Variants in SUMF1 observed in about 807,000 individuals in gnomAD.
The protein encoded by SUMF1 is formylglycine-generating enzyme.
A neutral mutation model predicts 47.6 loss-of-function variants in SUMF1; 48 were observed. That is an observed-to-expected ratio of 1.01 (90% CI 0.80 to 1.28). The LOEUF is 1.28. Among genes scored for constraint, SUMF1 ranks in the 50% most tolerant of loss-of-function variants. The probability of loss-of-function intolerance (pLI) is 0.00; values close to 1 mark genes in which losing one functional copy is unlikely to be tolerated. For missense variants in SUMF1, 571 were observed against 485.4 expected (o/e 1.18, Z -1.66); for synonymous variants, 230 against 192.1 (o/e 1.20, Z -1.63).
At chr3:4,338,233 C>G (rs890646085) in intron 8 of SUMF1, among the ~76,000 whole-genome samples, 1 of 151,934 alleles carries the variant, frequency 6.6e-6, no homozygotes, top group Non-Finnish European at 1.5e-5. Flanking sequence ...TACAATCACA[C>G]CATGCACTCC....
chr3:4,361,746 G>A lies in SUMF1; in HGVS notation c.*398C>T, dbSNP rs116909525. ...AACTGGTGAGTTGGAGAGACACCCA[G>A]AGGTCATGCTGTCCATCCCTTCATT... On this transcript the variant is annotated 3_prime_UTR_variant, in exon 9 of 9. Transcript: ENST00000272902. 393 of 247,476 alleles carry A rather than the reference G, an allele frequency of 1.6e-3. 8 individuals are homozygous for A. In the East Asian group the frequency reaches 0.035, roughly 22 times the overall value. 15.3% of individuals were successfully genotyped at this position (247,476 alleles called of 1,614,324 possible).
chr3:4,218,018 T>C (rs1695975133), intron 8 of SUMF1, among the ~76,000 whole-genome samples: 2 of 151,992 alleles, frequency 1.3e-5, no homozygotes, highest in South Asian at 4.2e-4. Flanking sequence ...TAATTCGACA[T>C]AGTGGTCACT....
At chr3:4,196,618 G>C (rs559999036) in intron 8 of SUMF1, among the ~76,000 whole-genome samples, 15 of 152,166 alleles carry the variant, frequency 9.9e-5, no homozygotes, top group African/African-American at 3.6e-4. Flanking sequence ...AGAGACCTTG[G>C]CTAAAGTACT....
At chr3:4,404,153 C>T (rs1701301639) in intron 7 of SUMF1, among the ~76,000 whole-genome samples, 1 of 152,142 alleles carries the variant, frequency 6.6e-6, no homozygotes, top group African/African-American at 2.4e-5. Flanking sequence ...TTCTATTTTA[C>T]TGGATGAAGA....
At chr3:4,351,750 G>A (rs1195670200) in intron 8 of SUMF1, among the ~76,000 whole-genome samples, 1 of 152,116 alleles carries the variant, frequency 6.6e-6, no homozygotes, top group Non-Finnish European at 1.5e-5. Flanking sequence ...CGTAGCCTCG[G>A]CCACTTCATT....
rs768751945 is a variant in SUMF1 at position 4,467,037 on chromosome 3, T to C, written c.209A>G (p.Tyr70Cys). ...GCCCGGAGCGTTAGCCTCCCGCGAG[T>C]ATCGGTGAGCGGCTGCCGAACTGCC... is the stretch of plus-strand genomic sequence containing the variant. ...AHGSSAAAHR[Y>C]SREANAPGPV... Residue 70 changes from tyrosine (Y) to cysteine (C), a missense_variant, in exon 1 of 9, where the codon TAC becomes TGC. Tyr to Cys is a radical substitution (Grantham distance 194). Coordinates refer to ENST00000272902, the MANE Select transcript of SUMF1 (RefSeq NM_182760.4). 5 of 1,578,078 alleles carry C rather than the reference T, an allele frequency of 3.2e-6. No homozygotes were observed. The highest frequency in any genetic ancestry group is 4.3e-6 in the Non-Finnish European group (5 of 1,163,372).
intron 7 of SUMF1, among the ~76,000 whole-genome samples, chr3:4,409,498 G>C (rs1701475741): frequency 6.6e-6 from 1 of 152,160 alleles, no homozygotes; most frequent in African/African-American, 2.4e-5. Flanking sequence ...TGGTCAGATA[G>C]ATACATTCAC....
rs934902046 is a variant in SUMF1 at position 4,195,037 on chromosome 3, A to C, written c.1015-126292T>G. ...TAGGTCACAGAGCCCTTGTCTGTGG[A>C]GGCTTAAATTCAAGAAAATAAAACT... On this transcript the variant is annotated intron_variant and NMD_transcript_variant, in intron 8 of 12. Coordinates refer to the SUMF1 transcript ENST00000448413. 4.6e-5 allele frequency among the ~76,000 whole-genome samples: 7 copies of C among 152,242 alleles called. No homozygotes were observed. The South Asian group carries it at 1.0e-3, about 23-fold the overall frequency.
At chr3:4,223,206 C>G (rs1189623366) in intron 8 of SUMF1, among the ~76,000 whole-genome samples, 1 of 152,134 alleles carries the variant, frequency 6.6e-6, no homozygotes, top group Non-Finnish European at 1.5e-5. Context: ...GGCTTCTTCT[C>G]AAATTCATGC....
At position 4,056,684 on chromosome 3, in the gene SUMF1, C is replaced by T. The variant is rs1695196743; in HGVS notation, c.1191+11885G>A. Among the ~76,000 whole-genome samples, 3 of 152,112 alleles carry T rather than the reference C, an allele frequency of 2.0e-5. No homozygotes were observed. In the South Asian group the frequency reaches 6.2e-4, roughly 32 times the overall value. ...AAAAAAGCAAAAACAATGTTTAGCT[C>T]TGGGTAATAGAATTATGTGTGGTTT... On this transcript the variant is annotated intron_variant and NMD_transcript_variant, in intron 9 of 12. Transcript: ENST00000448413.
At chr3:4,266,632 A>G (rs1298595138) in intron 8 of SUMF1, among the ~76,000 whole-genome samples, 5 of 151,728 alleles carry the variant, frequency 3.3e-5, no homozygotes, top group Non-Finnish European at 7.4e-5. Context: ...GGGCTGAGAC[A>G]ATGGGGTTTT....
Position 4,417,195 on chromosome 3 carries a change from G to A in SUMF1, c.773C>T (p.Ala258Val), listed in dbSNP as rs1170647804. Reference sequence around the variant, plus strand: ...CGGAAACTCGCCCTGCCAAATGTTGGCATAATGCTGGCCTTTGGGCTGCAG... The same window carrying A: ...CGGAAACTCGCCCTGCCAAATGTTGACATAATGCTGGCCTTTGGGCTGCAG... ...NKLQPKGQHY[A>V]NIWQGEFPVT... The change falls in exon 6 of 9, where the codon GCC becomes GTC. Residue 258 changes from alanine (A) to valine (V), a missense_variant. By Grantham distance (64) the Ala-to-Val change is moderately conservative. Transcript: ENST00000272902. The A allele has an allele frequency of 6.2e-7, 1 of 1,613,984 alleles. No individual in the cohort carries two copies. Among genetic ancestry groups the A allele is most frequent in the Admixed American group, 1.7e-5 (1 of 60,014 alleles).
At chr3:4,250,003 G>A (rs1334271268) in intron 8 of SUMF1, among the ~76,000 whole-genome samples, 1 of 152,082 alleles carries the variant, frequency 6.6e-6, no homozygotes, top group Non-Finnish European at 1.5e-5. Context: ...GGCCAACATA[G>A]TAAAATGCTG....
chr3:4,301,499 G>T (rs1014645838), intron 8 of SUMF1, among the ~76,000 whole-genome samples: 2 of 152,152 alleles, frequency 1.3e-5, no homozygotes, highest in African/African-American at 4.8e-5. Flanking sequence ...TGGGGATATG[G>T]AGAATGACAG....
chr3:4,080,745 A>C (rs1306823657), intron 8 of SUMF1, among the ~76,000 whole-genome samples: 1 of 152,162 alleles, frequency 6.6e-6, no homozygotes, highest in African/African-American at 2.4e-5. Flanking sequence ...TTTTGTATAA[A>C]TATTTTAAAG....
intron 8 of SUMF1, among the ~76,000 whole-genome samples, chr3:4,135,311 G>A (rs991712855): frequency 3.3e-5 from 5 of 152,020 alleles, no homozygotes; most frequent in African/African-American, 1.2e-4. Context: ...ATGCAAGGCT[G>A]GTTCAACATA....
intron 8 of SUMF1, among the ~76,000 whole-genome samples, chr3:4,110,033 G>GT (rs1223056112): frequency 6.6e-6 from 1 of 152,048 alleles, no homozygotes; most frequent in African/African-American, 2.4e-5. Context: ...TTTCTGCTCT[G>GT]TTTTTTCCCC....
At chr3:4,193,624 C>T (rs2125145128) in intron 8 of SUMF1, among the ~76,000 whole-genome samples, 1 of 152,210 alleles carries the variant, frequency 6.6e-6, no homozygotes, top group Admixed American at 6.5e-5. Context: ...CCAGGAGGAG[C>T]AGGGGTACAC....
intron 1 of SUMF1, 115 bp downstream of exon 1, chr3:4,466,861 T>C: frequency 1.4e-6 from 2 of 1,448,994 alleles, no homozygotes; most frequent in Non-Finnish European, 1.9e-6. Context: ...GGTGCTCGAT[T>C]TGGGGTGTGG....
Sources: allele counts gnomAD v4.1 joint callset (sites outside exome capture counted in the v4.1 genomes callset), GRCh38; gene constraint gnomAD v4.1.1; transcripts MANE v1.5; gene names NCBI Gene and HGNC (gene_info 2026-07-23, HGNC 2026-07-21).